Variants in DYSF observed in about 807,000 individuals in gnomAD.
DYSF encodes dystrophy-associated fer-1-like 1.
Under a neutral mutation model 274.9 loss-of-function variants are expected in DYSF, and 212 were observed. That is an observed-to-expected ratio of 0.77 (90% CI 0.69 to 0.86). The LOEUF is 0.86. Ranked by LOEUF, DYSF falls within the 40% of genes least tolerant of loss-of-function variation. The pLI is 0.00. For synonymous variants in DYSF, 1,091 were observed against 1,078.7 expected, an observed-to-expected ratio of 1.01 and a Z score of -0.22; for missense variants, 2,666 against 2,783.2, an observed-to-expected ratio of 0.96 and a Z score of 0.95.
intron 3 of DYSF, among the ~76,000 whole-genome samples, chr2:71,494,538 T>G (rs1173365678): frequency 1.3e-5 from 2 of 152,210 alleles, no homozygotes; most frequent in African/African-American, 4.8e-5. Flanking sequence ...CCATGATGGG[T>G]ATGAGCTGAT....
Position 71,466,779 on chromosome 2 carries a change from T to C in DYSF, c.-64T>C. The C allele has an allele frequency of 7.0e-7, 1 of 1,432,902 alleles. No individual in the cohort carries two copies. Among genetic ancestry groups the C allele is most frequent in the East Asian group, 2.7e-5 (1 of 36,820 alleles). The allele number at this position is 1,432,902 out of a possible 1,614,324, so 88.8% of individuals were successfully genotyped here. ...AGCCGGGCGCTTGCTGGGTGGGTGC[T>C]CGGGCCCGGTGCTCCCGCTCCCGCC... On this transcript the variant is annotated 5_prime_UTR_variant, in exon 1 of 56. Coordinates refer to ENST00000410020, the MANE Select transcript of DYSF (RefSeq NM_001130987.2).
At chr2:71,533,220 A>G (rs1375058937) in intron 14 of DYSF, among the ~76,000 whole-genome samples, 1 of 152,194 alleles carries the variant, frequency 6.6e-6, no homozygotes, top group African/African-American at 2.4e-5. Flanking sequence ...GGGCTTTGCC[A>G]CATTATCCAG....
chr2:71,674,514 G>A (rs2095186592), intron 52 of DYSF, among the ~76,000 whole-genome samples: 1 of 152,244 alleles, frequency 6.6e-6, no homozygotes, highest in Admixed American at 6.5e-5. Context: ...GGGTGGGCCT[G>A]TCAGTAGAGG....
chr2:71,668,058 A>G (rs1423194897), intron 48 of DYSF, among the ~76,000 whole-genome samples: 1 of 151,782 alleles, frequency 6.6e-6, no homozygotes, highest in Non-Finnish European at 1.5e-5. Context: ...TTCCTGGAAG[A>G]GGTGAGCTCA....
chr2:71,663,875 C>T (rs1432299660), intron 45 of DYSF, among the ~76,000 whole-genome samples: 1 of 151,774 alleles, frequency 6.6e-6, no homozygotes, highest in Non-Finnish European at 1.5e-5. Flanking sequence ...TACCGGGAGT[C>T]CTCCCTGGAC....
At chr2:71,595,817 C>G (rs1384570908) in intron 32 of DYSF, among the ~76,000 whole-genome samples, 1 of 152,168 alleles carries the variant, frequency 6.6e-6, no homozygotes, top group African/African-American at 2.4e-5. Flanking sequence ...GGGTGTGGCC[C>G]TGGGGAGAGC....
chr2:71,623,197 T>C (rs1255555546), intron 41 of DYSF, among the ~76,000 whole-genome samples: 2 of 151,992 alleles, frequency 1.3e-5, no homozygotes, highest in African/African-American at 4.8e-5. Flanking sequence ...AATTGTACTT[T>C]AGGTTTTAGG....
intron 30 of DYSF, among the ~76,000 whole-genome samples, chr2:71,582,922 A>G (rs1028526345): frequency 3.9e-5 from 6 of 151,902 alleles, no homozygotes; most frequent in Non-Finnish European, 8.8e-5. Flanking sequence ...TCATGCCTGT[A>G]ATCTCAGCAC....
At chr2:71,482,116 G>A (rs901442849) in intron 3 of DYSF, 146 bp downstream of exon 3, 8 of 671,312 alleles carry the variant, frequency 1.2e-5, no homozygotes, top group Non-Finnish European at 1.6e-5. Flanking sequence ...CCCAGTGATA[G>A]ATGTTGGGAG....
chr2:71,604,706 G>A (rs1055733462), intron 36 of DYSF, among the ~76,000 whole-genome samples: 2 of 152,214 alleles, frequency 1.3e-5, no homozygotes, highest in Non-Finnish European at 2.9e-5. Context: ...CTCTCTTGTG[G>A]GAAGTGCCTT....
At chr2:71,470,532 G>A (rs1196916617) in intron 1 of DYSF, among the ~76,000 whole-genome samples, 1 of 151,480 alleles carries the variant, frequency 6.6e-6, no homozygotes, top group Non-Finnish European at 1.5e-5. Flanking sequence ...AAATTAGCCG[G>A]GTGTGGTGGT....
At chr2:71,540,549 A>T (rs2089841954) in intron 17 of DYSF, among the ~76,000 whole-genome samples, 1 of 152,146 alleles carries the variant, frequency 6.6e-6, no homozygotes, top group African/African-American at 2.4e-5. Context: ...TAATATTAAA[A>T]AAGAACTTTG....
At position 71,570,604 on chromosome 2, in the gene DYSF, G is replaced by T. The variant is rs1424933941; in HGVS notation, c.3091G>T (p.Glu1031Ter). The change falls in exon 29 of 56, where the codon GAG becomes TAG. Residue 1031 changes from glutamate to a stop codon, truncating the protein, a stop_gained. Transcript: ENST00000410020. LOFTEE classifies it high-confidence loss of function. ...LNRAVDEQGW[E>*]YSITIPPERK... ...ACCGGTTCCCCCTCCCCCAGGCTGG[G>T]AGTATAGCATCACCATCCCCCCGGA... is the stretch of plus-strand genomic sequence containing the variant. The T allele has an allele frequency of 6.2e-7, 1 of 1,613,848 alleles. No individual in the cohort carries two copies. The highest frequency in any genetic ancestry group is 1.7e-5 in the Admixed American group (1 of 59,972).
intron 40 of DYSF, among the ~76,000 whole-genome samples, chr2:71,619,676 G>T (rs2094045935): frequency 6.6e-6 from 1 of 152,148 alleles, no homozygotes; most frequent in Non-Finnish European, 1.5e-5. Context: ...GCTCTTTCTC[G>T]AACGGGCTGT....
intron 29 of DYSF, among the ~76,000 whole-genome samples, chr2:71,571,348 ACC>A (rs1436949464): frequency 2.4e-4 from 36 of 147,168 alleles, no homozygotes; most frequent in Middle Eastern, 3.7e-3. Flanking sequence ...CACCCAGCAC[ACC>A]CACAGATCAC....
At position 71,622,182 on chromosome 2, in the gene DYSF, G is replaced by T. The variant is rs1315990274; in HGVS notation, c.4527+1573G>T. Among the ~76,000 whole-genome samples, 18 of 123,306 alleles carry T rather than the reference G, an allele frequency of 1.5e-4. No individual in the cohort carries two copies. In the Admixed American group the frequency reaches 1.7e-3, roughly 12 times the overall value. 80.9% of individuals were successfully genotyped at this position (123,306 alleles called of 152,430 possible). On this transcript the variant is annotated intron_variant, in intron 41 of 55. Coordinates refer to ENST00000410020, the MANE Select transcript of DYSF (RefSeq NM_001130987.2). ...GGTACATCTGTTCAGGCCATTTCTT[G>T]TTAAAGTGTATTCCTAGGCATTTTA...
At chr2:71,686,321 G>A (rs561859621) in intron 55 of DYSF, 133 bp from the exon 56 acceptor site, 8 of 1,118,042 alleles carry the variant, frequency 7.2e-6, no homozygotes, top group South Asian at 6.2e-5. Flanking sequence ...GAAGAGCCAC[G>A]AGCGTCCTCT....
At chr2:71,640,035 T>A (rs908787741) in intron 41 of DYSF, among the ~76,000 whole-genome samples, 1 of 152,236 alleles carries the variant, frequency 6.6e-6, no homozygotes, top group African/African-American at 2.4e-5. Context: ...ATTTTTCCAT[T>A]ACAGATAATT....
At chr2:71,517,109 T>TG in intron 10 of DYSF, 70 bp downstream of exon 10, 1 of 1,418,964 alleles carries the variant, frequency 7.0e-7, no homozygotes, top group Admixed American at 1.7e-5. Flanking sequence ...CTGTGGACCA[T>TG]GGGCAGGGGC....
Sources: allele counts gnomAD v4.1 joint callset (sites outside exome capture counted in the v4.1 genomes callset), GRCh38; gene constraint gnomAD v4.1.1; transcripts MANE v1.5; gene names NCBI Gene and HGNC (gene_info 2026-07-23, HGNC 2026-07-21).